The following STAG1 variants were observed in gnomAD, a reference collection of about 807,000 sequenced individuals.
STAG1 encodes the protein STAG1 cohesin complex component, also known as cohesin subunit SA-1.
STAG1 carries 26 observed loss-of-function variants against 170.9 expected under a neutral mutation model. The ratio of observed to expected loss-of-function variants is 0.15; its 90% confidence interval spans 0.11 to 0.21. The LOEUF (loss-of-function observed/expected upper bound fraction) is 0.21, where lower values mean the gene tolerates loss of function less well. Ranked by LOEUF, STAG1 falls within the 10% of genes least tolerant of loss-of-function variation. STAG1 has a pLI of 1.00. For missense variants in STAG1, 964 were observed against 1,509.5 expected, an observed-to-expected ratio of 0.64 and a Z score of 5.99; for synonymous variants, 514 against 497.7, an observed-to-expected ratio of 1.03 and a Z score of -0.44.
intron 1 of STAG1, among the ~76,000 whole-genome samples, chr3:136,697,815 A>G (rs1942942735): frequency 6.6e-6 from 1 of 152,238 alleles, no homozygotes; most frequent in African/African-American, 2.4e-5. Flanking sequence ...AAACATCTTC[A>G]GCCTGATTAC....
intron 21 of STAG1, among the ~76,000 whole-genome samples, chr3:136,413,138 G>C (rs528827487): frequency 1.3e-5 from 2 of 150,232 alleles, no homozygotes; most frequent in Non-Finnish European, 3.0e-5. Context: ...TGCTGGGATT[G>C]CAAGTGTGAG....
intron 26 of STAG1, among the ~76,000 whole-genome samples, chr3:136,359,831 G>C (rs1489423863): frequency 6.6e-6 from 1 of 152,144 alleles, no homozygotes; most frequent in African/African-American, 2.4e-5. Context: ...TTTGAGATGG[G>C]AAAAGGAAAT....
intron 9 of STAG1, among the ~76,000 whole-genome samples, chr3:136,490,098 T>A (rs978290310): frequency 2.0e-5 from 3 of 152,126 alleles, no homozygotes; most frequent in Admixed American, 6.5e-5. Flanking sequence ...TGGAGTGCAG[T>A]GGCACAATCT....
At chr3:136,505,481 G>T (rs1482557056) in intron 7 of STAG1, among the ~76,000 whole-genome samples, 1 of 152,152 alleles carries the variant, frequency 6.6e-6, no homozygotes, top group Non-Finnish European at 1.5e-5. Flanking sequence ...TTAATAACAT[G>T]ACACTAATAA....
chr3:136,527,581 T>C (rs1935108254), intron 6 of STAG1, among the ~76,000 whole-genome samples: 2 of 152,142 alleles, frequency 1.3e-5, no homozygotes. Flanking sequence ...GAAGCCTCCT[T>C]CTCTCAACTT....
chr3:136,419,271 G>C (rs2087875619), intron 20 of STAG1, among the ~76,000 whole-genome samples: 1 of 152,056 alleles, frequency 6.6e-6, no homozygotes, highest in African/African-American at 2.4e-5. Context: ...TGTATATAAA[G>C]GCTTAGATTT....
intron 21 of STAG1, among the ~76,000 whole-genome samples, chr3:136,417,019 T>G (rs1576445023): frequency 6.6e-6 from 1 of 151,832 alleles, no homozygotes; most frequent in South Asian, 2.1e-4. Context: ...GCTAATTTTT[T>G]TATTTTTAGT....
intron 6 of STAG1, among the ~76,000 whole-genome samples, chr3:136,531,763 G>A (rs534266072): frequency 9.4e-5 from 14 of 149,100 alleles, no homozygotes; most frequent in Admixed American, 9.4e-4. Flanking sequence ...ACTGTTGTGG[G>A]GTGCGGGGAG....
intron 23 of STAG1, among the ~76,000 whole-genome samples, chr3:136,373,987 T>C (rs576420721): frequency 4.9e-4 from 75 of 152,308 alleles, no homozygotes; most frequent in Non-Finnish European, 3.2e-4. Flanking sequence ...AGTCTCTTTG[T>C]AGGTCACTAA....
At chr3:136,632,298 T>C (rs570991177) in intron 1 of STAG1, among the ~76,000 whole-genome samples, 1 of 152,172 alleles carries the variant, frequency 6.6e-6, no homozygotes, top group Admixed American at 6.5e-5. Context: ...CTGAATCTAA[T>C]AAAACTTACA....
Position 136,512,583 on chromosome 3 carries a change from T to C in STAG1, c.676+8630A>G, listed in dbSNP as rs146286428. On this transcript the variant is annotated intron_variant, in intron 7 of 33. Coordinates refer to ENST00000383202, the MANE Select transcript of STAG1 (RefSeq NM_005862.3). ...ATCAGACATATGTGTGTGATTATGT[T>C]TGGTTTGTGTGAGTGCCCTGAGTGT... Among the ~76,000 whole-genome samples the C allele has an allele frequency of 2.2e-3, 335 of 152,254 alleles. 1 individual carries two copies. In the South Asian group the frequency reaches 0.023, roughly 10 times the overall value.
chr3:136,542,960 T>C (rs1185141676), intron 5 of STAG1, among the ~76,000 whole-genome samples: 1 of 152,180 alleles, frequency 6.6e-6, no homozygotes. Flanking sequence ...ACCACTACTC[T>C]TTATTGACTC....
intron 7 of STAG1, among the ~76,000 whole-genome samples, chr3:136,510,155 T>G (rs1933975320): frequency 6.6e-6 from 1 of 152,212 alleles, no homozygotes; most frequent in South Asian, 2.1e-4. Flanking sequence ...GGCTTGGCTC[T>G]GTGTCTCCAC....
intron 13 of STAG1, among the ~76,000 whole-genome samples, chr3:136,454,517 T>A (rs1246024939): frequency 2.0e-5 from 3 of 151,748 alleles, no homozygotes; most frequent in African/African-American, 4.8e-5. Context: ...TAGATAAGAT[T>A]ACAGGCGTGT....
Position 136,525,742 on chromosome 3 carries a change from A to C in STAG1, c.472-4325T>G, listed in dbSNP as rs185395854. On this transcript the variant is annotated intron_variant, in intron 6 of 33. Coordinates refer to ENST00000383202, the MANE Select transcript of STAG1 (RefSeq NM_005862.3). ...TCTCTTGTGGGCATTTAGTGCTATA[A>C]ATTTCCCTCTACACACTGCTTTAAA... Among the ~76,000 whole-genome samples, 153 of 152,276 alleles carry C rather than the reference A, an allele frequency of 1.0e-3. 1 individual carries two copies. The South Asian group carries it at 0.011, about 11-fold the overall frequency.
chr3:136,473,724 A>C, intron 10 of STAG1, 87 bp from the exon 11 acceptor site: 3 of 962,884 alleles, frequency 3.1e-6, no homozygotes, highest in Non-Finnish European at 4.9e-6. Context: ...AATTTAGCTT[A>C]AACATTTGAC....
intron 9 of STAG1, among the ~76,000 whole-genome samples, chr3:136,498,233 T>TATAGATATATATATATATATACAC: frequency 1.7e-5 from 1 of 57,512 alleles, no homozygotes; most frequent in Non-Finnish European, 2.8e-5. Context: ...TATATATATA[T>TATAGATATATATATATATATACAC]ACACATACAT....
At chr3:136,602,558 A>C (rs964939600) in intron 4 of STAG1, among the ~76,000 whole-genome samples, 1 of 152,034 alleles carries the variant, frequency 6.6e-6, no homozygotes, top group African/African-American at 2.4e-5. Context: ...TCTTCTATTA[A>C]AGTATAATGA....
At chr3:136,644,223 G>A (rs971462660) in intron 1 of STAG1, among the ~76,000 whole-genome samples, 3 of 152,148 alleles carry the variant, frequency 2.0e-5, no homozygotes, top group African/African-American at 7.2e-5. Flanking sequence ...TCTAGGTGGT[G>A]AAAAACTTTG....
Sources: allele counts gnomAD v4.1 joint callset (sites outside exome capture counted in the v4.1 genomes callset), GRCh38; gene constraint gnomAD v4.1.1; transcripts MANE v1.5; gene names NCBI Gene and HGNC (gene_info 2026-07-23, HGNC 2026-07-21).